Variants in RABGGTB observed in about 807,000 individuals in gnomAD.
RABGGTB encodes the protein Rab geranylgeranyltransferase subunit beta.
A neutral mutation model predicts 44.5 loss-of-function variants in RABGGTB; 20 were observed. The observed-to-expected ratio is 0.45, with a 90% confidence interval of 0.32 to 0.65. The LOEUF (loss-of-function observed/expected upper bound fraction) is 0.65. RABGGTB is among the 30% of genes least tolerant of loss of function. The pLI is 0.05. For synonymous variants in RABGGTB, 128 were observed against 136.7 expected (o/e 0.94, Z 0.44); for missense variants, 302 against 398.7 (o/e 0.76, Z 2.06).
intron 6 of RABGGTB, 135 bp from the exon 7 acceptor site, chr1:75,792,046 T>A: frequency 1.4e-6 from 1 of 729,234 alleles, no homozygotes. Flanking sequence ...GTGGTATTAA[T>A]ACATGTTTGG....
At position 75,792,177 on chromosome 1, in the gene RABGGTB, T is replaced by C; in HGVS notation, c.580-4T>C. ...ACACATAAACTTTATGTCTGTAATT[T>C]TAGATCTATTGTTGCACAGGATTTC... On this transcript the variant is annotated splice_region_variant and splice_polypyrimidine_tract_variant and intron_variant, in intron 6 of 8. Transcript: ENST00000319942. 6.3e-7 allele frequency: 1 copy of C among 1,599,434 alleles called. No homozygotes were observed. Among genetic ancestry groups the C allele is most frequent in the Non-Finnish European group, 8.6e-7 (1 of 1,166,878 alleles).
chr1:75,794,576 C>T lies in RABGGTB; in HGVS notation c.922C>T (p.Pro308Ser). ...ACTTTTGGGAGAAGAACAGATTAAACCTGTTAATCCTGTCTTTTGCATGCC... is the reference window on the plus strand; with the variant it reads ...ACTTTTGGGAGAAGAACAGATTAAATCTGTTAATCCTGTCTTTTGCATGCC... Reference protein sequence around the residue: ...LSLLGEEQIKPVNPVFCMPEE... With the variant: ...LSLLGEEQIKSVNPVFCMPEE... The change falls in exon 9 of 9, where the codon CCT becomes TCT. Residue 308 changes from proline to serine, a missense_variant. By Grantham distance (74) the Pro-to-Ser change is moderately conservative. Transcript: ENST00000319942. 6.2e-7 allele frequency: 1 copy of T among 1,612,836 alleles called. No individual in the cohort carries two copies. The highest frequency in any genetic ancestry group is 1.3e-5 in the African/African-American group (1 of 74,988).
chr1:75,788,555 T>C (rs1649559208), intron 2 of RABGGTB: 1 of 154,198 alleles, frequency 6.5e-6, no homozygotes. Context: ...CTTTCCAAAG[T>C]GCTGGGATTA....
chr1:75,786,202 C>A, upstream of RABGGTB: 4 of 1,597,670 alleles, frequency 2.5e-6, no homozygotes, highest in East Asian at 4.5e-5. Flanking sequence ...CTGAGAGGCG[C>A]ATCTGCGCAG....
At chr1:75,793,728 T>C (rs764890519) in intron 7 of RABGGTB, 18 of 182,076 alleles carry the variant, frequency 9.9e-5, no homozygotes, top group Non-Finnish European at 1.5e-4. Context: ...AAAACAGAAC[T>C]ATACCCATGG....
chr1:75,791,892 AT>A (rs1013629591), intron 6 of RABGGTB: 40 of 397,218 alleles, frequency 1.0e-4, no homozygotes, highest in Admixed American at 2.5e-4. Flanking sequence ...CCTAAGATAA[AT>A]TATGAACCTC....
In RABGGTB at chr1:75,791,501, T is replaced by C; in HGVS notation, c.509T>C (p.Phe170Ser). Residue 170 changes from phenylalanine (F) to serine (S), a missense_variant, in exon 6 of 9, where the codon TTT becomes TCT. By Grantham distance (155) the Phe-to-Ser change is radical. Transcript: ENST00000319942. The part of the protein sequence containing the change: ...DAINVEKAIE[F>S]VLSCMNFDGG... ...ATTAATGTGGAAAAGGCAATCGAAT[T>C]TGTTTTATCCTGTATGAACTTTGAC... 6.2e-7 allele frequency: 1 copy of C among 1,613,464 alleles called. No individual in the cohort carries two copies.
chr1:75,793,710 C>G (rs1185440317), intron 7 of RABGGTB: 1 of 169,728 alleles, frequency 5.9e-6, no homozygotes, highest in African/African-American at 2.4e-5. Context: ...CTGGACAGTG[C>G]TTGTAGAAAA....
At chr1:75,793,997 A>G (rs1649710040) in intron 7 of RABGGTB, 87 bp from the exon 8 acceptor site, 1 of 775,538 alleles carries the variant, frequency 1.3e-6, no homozygotes, top group Non-Finnish European at 1.9e-6. Flanking sequence ...AGATTACCTA[A>G]GAGTGAGACT....
chr1:75,789,406 T>G, intron 3 of RABGGTB, 50 bp downstream of exon 3: 12 of 1,559,880 alleles, frequency 7.7e-6, no homozygotes, highest in Non-Finnish European at 9.7e-6. Flanking sequence ...TTCTCTTACT[T>G]CAGAGTTGGA....
chr1:75,787,561 A>G lies in RABGGTB; in HGVS notation c.68A>G (p.His23Arg). 3 of 1,614,032 alleles carry G rather than the reference A, an allele frequency of 1.9e-6. No individual in the cohort carries two copies. The highest frequency in any genetic ancestry group is 2.5e-6 in the Non-Finnish European group (3 of 1,179,876). Residue 23 changes from histidine to arginine, a missense_variant, in exon 2 of 9, where the codon CAT becomes CGT. This residue lies in a region of RABGGTB where 89 missense variants were observed against 75.0 expected (regional missense o/e 1.19). Coordinates refer to ENST00000319942, the MANE Select transcript of RABGGTB (RefSeq NM_004582.4). ...DAPDTLLLEK[H>R]ADYIASYGSK... ...CCGGACACTTTGTTATTGGAGAAAC[A>G]TGCAGATTATATCGCATCCTATGGC...
In RABGGTB at chr1:75,786,258, T is replaced by A. The variant is rs1415503118; in HGVS notation, c.-14T>A. 2 of 1,614,174 alleles carry A rather than the reference T, an allele frequency of 1.2e-6. No individual in the cohort carries two copies. The highest frequency in any genetic ancestry group is 1.7e-4 in the Middle Eastern group (1 of 6,050). ...CCCAGGAACTGACCCTGCTCTCTCC[T>A]TTCCCTGTTAGACATGGTAAGTGTG... On this transcript the variant is annotated 5_prime_UTR_variant, in exon 1 of 9. Transcript: ENST00000319942.
chr1:75,789,963 G>C lies in RABGGTB; in HGVS notation c.321G>C (p.Leu107=). The C allele has an allele frequency of 6.2e-7, 1 of 1,606,040 alleles. No homozygotes were observed. Reference sequence around the variant, plus strand: ...TGTCTTTATTGCAGATTCTTACGCTGTATGACAGTATTAATGTTATTGACG... The same window carrying C: ...TGTCTTTATTGCAGATTCTTACGCTCTATGACAGTATTAATGTTATTGACG... ...YTLSAVQILT[L]YDSINVIDVN... is the part of the protein sequence containing the mutation. Residue 107 remains leucine (L), a synonymous_variant, in exon 4 of 9, where the codon CTG becomes CTC. Transcript: ENST00000319942.
chr1:75,794,618 A>G lies in RABGGTB; in HGVS notation c.964A>G (p.Arg322Gly). 1 of 1,612,318 alleles carries G rather than the reference A, an allele frequency of 6.2e-7. No individual in the cohort carries two copies. The highest frequency in any genetic ancestry group is 8.5e-7 in the Non-Finnish European group (1 of 1,178,918). The change falls in exon 9 of 9, where the codon AGA becomes GGA. Residue 322 changes from arginine (R) to glycine (G), a missense_variant. Arg to Gly is a moderately radical substitution (Grantham distance 125, BLOSUM62 -2). This residue lies in a region of RABGGTB where 213 missense variants were observed against 323.7 expected (regional missense o/e 0.66). Coordinates refer to ENST00000319942, the MANE Select transcript of RABGGTB (RefSeq NM_004582.4). ...VFCMPEEVLQ[R>G]VNVQPELVS ...TTGCATGCCTGAAGAAGTGCTTCAG[A>G]GAGTGAATGTTCAGCCTGAGCTAGT...
intron 2 of RABGGTB, chr1:75,788,123 T>TA: frequency 3.1e-6 from 1 of 320,922 alleles, no homozygotes; most frequent in South Asian, 2.7e-5. Flanking sequence ...GGATATATGG[T>TA]ATGTATTAAT....
chr1:75,792,887 GA>G (rs1392093406), intron 7 of RABGGTB, among the ~76,000 whole-genome samples: 4 of 152,178 alleles, frequency 2.6e-5, no homozygotes. Context: ...GGAGTGCAGT[GA>G]CGCCATCTTG....
At chr1:75,788,943 G>T in intron 2 of RABGGTB, 1 of 564,642 alleles carries the variant, frequency 1.8e-6, no homozygotes, top group Non-Finnish European at 3.1e-6. Flanking sequence ...CTAATCCTGT[G>T]CTTCTCAGAT....
At chr1:75,788,869 G>T in intron 2 of RABGGTB, 1 of 393,228 alleles carries the variant, frequency 2.5e-6, no homozygotes, top group Non-Finnish European at 4.6e-6. Flanking sequence ...AAAGGTAGAT[G>T]TTTTTCTGTC....
rs1557481542 is a variant in RABGGTB at position 75,791,547 on chromosome 1, A to C, written c.555A>C (p.Pro185=). Residue 185 remains proline, a synonymous_variant, in exon 6 of 9, where the codon CCA becomes CCC. Coordinates refer to ENST00000319942, the MANE Select transcript of RABGGTB (RefSeq NM_004582.4). ...MNFDGGFGCR[P]GSESHAGQIY... ...TTGACGGTGGATTTGGTTGCAGACC[A>C]GGTTCTGAATCCCATGCTGGGCAGG... The C allele has an allele frequency of 6.2e-7, 1 of 1,612,352 alleles. No homozygotes were observed. Among genetic ancestry groups the C allele is most frequent in the Non-Finnish European group, 8.5e-7 (1 of 1,179,732 alleles).
Sources: allele counts gnomAD v4.1 joint callset (sites outside exome capture counted in the v4.1 genomes callset), GRCh38; gene constraint gnomAD v4.1.1; regional missense constraint gnomAD v4.1.1; transcripts MANE v1.5; gene names NCBI Gene and HGNC (gene_info 2026-07-23, HGNC 2026-07-21).